The following EED variants were observed in gnomAD, a reference collection of about 807,000 sequenced individuals.
EED encodes embryonic ectoderm development.
A neutral mutation model predicts 61.0 loss-of-function variants in EED; 9 were observed. That is an observed-to-expected ratio of 0.15 (90% CI 0.09 to 0.26). The LOEUF (loss-of-function observed/expected upper bound fraction) is 0.26, where lower values mean the gene tolerates loss of function less well. EED is among the 10% of genes least tolerant of loss of function. The probability of loss-of-function intolerance (pLI) is 1.00; values close to 1 mark genes in which losing one functional copy is unlikely to be tolerated. For synonymous variants in EED, 187 were observed against 174.4 expected, an observed-to-expected ratio of 1.07 and a Z score of -0.57; for missense variants, 315 against 542.3, an observed-to-expected ratio of 0.58 and a Z score of 4.16.
chr11:86,272,260 G>A (rs371262442), intron 9 of EED, among the ~76,000 whole-genome samples: 2 of 150,156 alleles, frequency 1.3e-5, no homozygotes, highest in Non-Finnish European at 3.0e-5. Flanking sequence ...GGGTTTCACT[G>A]TGTTAGCCAG....
At chr11:86,274,875 T>G (rs1946193082) in intron 9 of EED, among the ~76,000 whole-genome samples, 1 of 152,208 alleles carries the variant, frequency 6.6e-6, no homozygotes, top group Admixed American at 6.5e-5. Context: ...GGTGCTTAGT[T>G]ACAACCTGAG....
At chr11:86,249,896 C>G (rs1474769758) in intron 1 of EED, among the ~76,000 whole-genome samples, 1 of 152,180 alleles carries the variant, frequency 6.6e-6, no homozygotes, top group African/African-American at 2.4e-5. Flanking sequence ...ATACATCAGT[C>G]AGATTTAAGA....
chr11:86,249,847 C>T (rs140737415), intron 1 of EED, among the ~76,000 whole-genome samples: 2 of 152,208 alleles, frequency 1.3e-5, no homozygotes, highest in African/African-American at 4.8e-5. Context: ...CAGCTCCATG[C>T]TCCAGACTGA....
At chr11:86,275,119 G>C (rs1179151804) in intron 9 of EED, among the ~76,000 whole-genome samples, 1 of 152,126 alleles carries the variant, frequency 6.6e-6, no homozygotes, top group African/African-American at 2.4e-5. Context: ...TAAGGCAAAA[G>C]AAAACCCGGG....
chr11:86,286,053 C>CA, the EED span, among the ~76,000 whole-genome samples: 6,628 of 152,216 alleles, frequency 0.044, 233 homozygotes, highest in East Asian at 0.14. Context: ...TTATTTGAGA[C>CA]AGAGTCTCGC....
rs1229395776 is a variant in EED at position 86,245,205 on chromosome 11, G to A, written c.-25G>A. On this transcript the variant is annotated 5_prime_UTR_variant, in exon 1 of 12. Transcript: ENST00000263360. ...GGCGGAGGCCCCGCCCCAGGCGGCA[G>A]GAACCTGGAGGGAGGCGGAGGAATA... is the stretch of plus-strand genomic sequence containing the variant. The A allele has an allele frequency of 2.5e-6, 4 of 1,599,282 alleles. No homozygotes were observed. Among genetic ancestry groups the A allele is most frequent in the Non-Finnish European group, 2.6e-6 (3 of 1,171,074 alleles).
downstream of EED, among the ~76,000 whole-genome samples, chr11:86,280,225 G>A (rs530156914): frequency 3.4e-4 from 52 of 152,150 alleles, no homozygotes; most frequent in Non-Finnish European, 5.6e-4. Flanking sequence ...CAGGTAGCTT[G>A]GATTACAGGT....
rs180973790 is a variant in EED, at chr11:86,264,118, G to A, written c.635-54G>A. 4.8e-5 allele frequency: 67 copies of A among 1,406,044 alleles called. No homozygotes were observed. In the East Asian group the frequency reaches 1.3e-3, roughly 26 times the overall value. 87.1% of individuals were successfully genotyped at this position (1,406,044 alleles called of 1,614,324 possible). On this transcript the variant is annotated intron_variant, in intron 6 of 11. Transcript: ENST00000263360. ...AGTAGTTTTTCTTTCACAAGATGTT[G>A]AAAGTTCACAGTAAATAAAAAACAT... is the stretch of plus-strand genomic sequence containing the variant.
intron 8 of EED, among the ~76,000 whole-genome samples, chr11:86,267,433 G>C (rs895985444): frequency 1.3e-5 from 2 of 152,272 alleles, no homozygotes; most frequent in Middle Eastern, 3.4e-3. Flanking sequence ...AGCTATTTCT[G>C]ATTTAAAACT....
chr11:86,251,324 A>G (rs570093670), intron 2 of EED, among the ~76,000 whole-genome samples: 5 of 152,296 alleles, frequency 3.3e-5, no homozygotes, highest in East Asian at 3.9e-4. Context: ...TCATGTGCAT[A>G]TTTATTTACA....
intron 6 of EED, among the ~76,000 whole-genome samples, chr11:86,262,046 T>A (rs935995928): frequency 3.9e-5 from 6 of 152,214 alleles, no homozygotes; most frequent in Non-Finnish European, 4.4e-5. Flanking sequence ...CATGCTTTTT[T>A]ATTTTATATA....
chr11:86,249,513 C>G (rs907624253), intron 1 of EED, among the ~76,000 whole-genome samples: 4 of 151,938 alleles, frequency 2.6e-5, no homozygotes, highest in African/African-American at 9.7e-5. Context: ...GAATCCTCTT[C>G]TGAGATTAGA....
At chr11:86,263,093 A>G (rs1473396376) in intron 6 of EED, among the ~76,000 whole-genome samples, 1 of 152,160 alleles carries the variant, frequency 6.6e-6, no homozygotes, top group Non-Finnish European at 1.5e-5. Context: ...GGCATGAACC[A>G]TCACACCCTG....
intron 5 of EED, among the ~76,000 whole-genome samples, chr11:86,257,151 T>TC (rs1945697408): frequency 6.6e-6 from 1 of 151,354 alleles, no homozygotes; most frequent in Admixed American, 6.6e-5. Context: ...TCCTCCTGCC[T>TC]CAGCCTCTCA....
intron 3 of EED, among the ~76,000 whole-genome samples, chr11:86,254,542 A>G (rs1285522082): frequency 6.6e-6 from 1 of 151,758 alleles, no homozygotes; most frequent in Non-Finnish European, 1.5e-5. Context: ...GATGGTCTTG[A>G]TCTCCTGACC....
At chr11:86,267,616 T>A (rs1255386670) in intron 8 of EED, among the ~76,000 whole-genome samples, 1 of 152,166 alleles carries the variant, frequency 6.6e-6, no homozygotes, top group African/African-American at 2.4e-5. Flanking sequence ...ATTTGTTTTT[T>A]TGAGACGGAG....
At chr11:86,284,849 T>C in the EED span, among the ~76,000 whole-genome samples, 8 of 152,186 alleles carry the variant, frequency 5.3e-5, no homozygotes, top group Non-Finnish European at 1.2e-4. Context: ...CGGTGGTTCA[T>C]GCCTGTAGTC....
intron 1 of EED, among the ~76,000 whole-genome samples, chr11:86,246,060 TA>T (rs1945384006): frequency 6.6e-6 from 1 of 152,250 alleles, no homozygotes; most frequent in Non-Finnish European, 1.5e-5. Context: ...TAGGCAGATG[TA>T]TTTAAGTGTG....
At chr11:86,257,278 T>A (rs973352410) in intron 5 of EED, among the ~76,000 whole-genome samples, 3 of 151,462 alleles carry the variant, frequency 2.0e-5, no homozygotes, top group Non-Finnish European at 4.4e-5. Context: ...CCTCAAGCGA[T>A]TCTGCCTTAG....
Sources: allele counts gnomAD v4.1 joint callset (sites outside exome capture counted in the v4.1 genomes callset), GRCh38; gene constraint gnomAD v4.1.1; transcripts MANE v1.5; gene names NCBI Gene and HGNC (gene_info 2026-07-23, HGNC 2026-07-21).